The following UROS variants were observed in gnomAD, a reference collection of about 807,000 sequenced individuals.
UROS encodes uroporphyrinogen III synthase, also known as uroporphyrinogen-III synthase.
Under a neutral mutation model 33.0 loss-of-function variants are expected in UROS, and 18 were observed. The observed-to-expected ratio is 0.55, with a 90% CI of 0.38 to 0.81. The LOEUF (loss-of-function observed/expected upper bound fraction) is 0.81. UROS is among the 30% of genes least tolerant of loss of function. The probability of loss-of-function intolerance (pLI) is 0.00; values close to 1 mark genes in which losing one functional copy is unlikely to be tolerated. For synonymous variants in UROS, 114 were observed against 121.1 expected (o/e 0.94, Z 0.38); for missense variants, 293 against 314.9 (o/e 0.93, Z 0.53).
At chr10:125,814,411 T>C (rs1427794795) in intron 4 of UROS, among the ~76,000 whole-genome samples, 2 of 152,204 alleles carry the variant, frequency 1.3e-5, no homozygotes, top group Non-Finnish European at 2.9e-5. Context: ...GTTTTCTCAA[T>C]GGTAACATAA....
chr10:125,818,959 C>A (rs1280008605), intron 1 of UROS, among the ~76,000 whole-genome samples: 3 of 151,526 alleles, frequency 2.0e-5, no homozygotes, highest in African/African-American at 7.3e-5. Flanking sequence ...CCCAAGCATA[C>A]TCTACTTTCT....
chr10:125,786,234 G>C (rs942880832), downstream of UROS, among the ~76,000 whole-genome samples: 2 of 151,346 alleles, frequency 1.3e-5, no homozygotes, highest in Admixed American at 1.3e-4. Flanking sequence ...TTTGGGAACA[G>C]ATTTCCAAGG....
intron 8 of UROS, 114 bp from the exon 9 acceptor site, chr10:125,795,092 G>T: frequency 1.0e-6 from 1 of 960,788 alleles, no homozygotes; most frequent in Non-Finnish European, 1.7e-6. Flanking sequence ...GGCGGTTTTA[G>T]CACAGGAGTG....
At chr10:125,808,580 T>C (rs1334716310) in intron 5 of UROS, among the ~76,000 whole-genome samples, 1 of 152,210 alleles carries the variant, frequency 6.6e-6, no homozygotes, top group Non-Finnish European at 1.5e-5. Context: ...GTAATCAATA[T>C]TGACATAAAT....
chr10:125,816,063 A>G, intron 3 of UROS, 114 bp downstream of exon 3: 1 of 1,095,354 alleles, frequency 9.1e-7, no homozygotes, highest in Non-Finnish European at 1.4e-6. Context: ...TTATGCTGCC[A>G]TGTTTTAAAG....
intron 9 of UROS, chr10:125,794,000 A>C (rs1360069370): frequency 1.3e-5 from 2 of 151,568 alleles, no homozygotes; most frequent in East Asian, 1.9e-4. Flanking sequence ...AGGAACACTG[A>C]CCTCTTTTTC....
In UROS at chr10:125,791,162, G is replaced by C. The variant is rs1356992492; in HGVS notation, c.661-2157C>G. Among the ~76,000 whole-genome samples, 5 of 151,668 alleles carry C rather than the reference G, an allele frequency of 3.3e-5. No homozygotes were observed. In the South Asian group the frequency reaches 1.0e-3, roughly 31 times the overall value. ...TCAACAATAAAACGACAAATAACCTGGGTTAAAAGTAGGCAAAGGATTTGA... is the reference window on the plus strand; with the variant it reads ...TCAACAATAAAACGACAAATAACCTCGGTTAAAAGTAGGCAAAGGATTTGA... On this transcript the variant is annotated intron_variant, in intron 9 of 9. Coordinates refer to ENST00000368797, the MANE Select transcript of UROS (RefSeq NM_000375.3).
chr10:125,818,983 G>GTT (rs58990660), intron 1 of UROS, among the ~76,000 whole-genome samples: 4 of 151,540 alleles, frequency 2.6e-5, no homozygotes, highest in Admixed American at 1.3e-4. Flanking sequence ...CTGTTCTAAA[G>GTT]TTTTTTGTTG....
At chr10:125,789,746 C>G (rs1254699861) in intron 9 of UROS, among the ~76,000 whole-genome samples, 1 of 152,232 alleles carries the variant, frequency 6.6e-6, no homozygotes, top group African/African-American at 2.4e-5. Flanking sequence ...CTCGATGGTT[C>G]TGTGCAGAGC....
At position 125,803,129 on chromosome 10, in the gene UROS, C is replaced by T. The variant is rs148213570; in HGVS notation, c.394+4284G>A. The T allele has an allele frequency of 1.8e-5, 27 of 1,524,544 alleles. No homozygotes were observed. In the South Asian group the frequency reaches 2.4e-4, roughly 14 times the overall value. 94.4% of individuals were successfully genotyped at this position (1,524,544 alleles called of 1,614,324 possible). Reference sequence around the variant, plus strand: ...AGCTTTGGAGTCAGCCAGTCCTAGGCTTGAGCCCCAGCCTACCACTATTAG... The same window carrying T: ...AGCTTTGGAGTCAGCCAGTCCTAGGTTTGAGCCCCAGCCTACCACTATTAG... On this transcript the variant is annotated intron_variant, in intron 6 of 9. Transcript: ENST00000368797.
At chr10:125,797,941 G>A in intron 7 of UROS, 124 bp downstream of exon 7, 1 of 1,130,480 alleles carries the variant, frequency 8.8e-7, no homozygotes. Context: ...CTCCTGGCCT[G>A]GCTTATCCAA....
chr10:125,803,831 T>G (rs1256353720), intron 6 of UROS, among the ~76,000 whole-genome samples: 1 of 152,222 alleles, frequency 6.6e-6, no homozygotes, highest in Non-Finnish European at 1.5e-5. Flanking sequence ...CTCTGCTCAG[T>G]GGCTCCCTCT....
intron 6 of UROS, among the ~76,000 whole-genome samples, chr10:125,805,422 G>A (rs1852235726): frequency 6.6e-6 from 1 of 152,230 alleles, no homozygotes; most frequent in Non-Finnish European, 1.5e-5. Flanking sequence ...TGGCCTTGCT[G>A]TGCTGAGTGT....
intron 9 of UROS, chr10:125,794,337 T>A: frequency 1.0e-6 from 1 of 992,186 alleles, no homozygotes. Flanking sequence ...GGGCTCTGGG[T>A]CACATCCTGC....
intron 1 of UROS, among the ~76,000 whole-genome samples, chr10:125,819,316 T>C (rs1853641917): frequency 6.6e-6 from 1 of 152,208 alleles, no homozygotes. Flanking sequence ...ACTCCTGCTC[T>C]GAAGCTTGCC....
Position 125,798,102 on chromosome 10 carries a change from G to A in UROS, c.438C>T (p.Leu146=), listed in dbSNP as rs751977068. Reference sequence around the variant, plus strand: ...GCGCTTTTGGCAGGATTTCTCTTTTGAGGTTTCCACAGGGAAATAGAAGAG... The same window carrying A: ...GCGCTTTTGGCAGGATTTCTCTTTTAAGGTTTCCACAGGGAAATAGAAGAG... ...ALPLLFPCGN[L]KREILPKALK... The change falls in exon 7 of 10, where the codon CTC becomes CTT. Residue 146 remains leucine (L), a synonymous_variant. Coordinates refer to ENST00000368797, the MANE Select transcript of UROS (RefSeq NM_000375.3). 7 of 1,613,946 alleles carry A rather than the reference G, an allele frequency of 4.3e-6. No homozygotes were observed. Among genetic ancestry groups the A allele is most frequent in the Admixed American group, 1.7e-5 (1 of 60,010 alleles).
intron 5 of UROS, among the ~76,000 whole-genome samples, chr10:125,811,784 T>G (rs1852834666): frequency 7.0e-6 from 1 of 143,294 alleles, no homozygotes; most frequent in African/African-American, 2.6e-5. Flanking sequence ...ACTGGAAAAA[T>G]GCACAAAATA....
At chr10:125,800,929 C>A (rs1277712196) in intron 6 of UROS, among the ~76,000 whole-genome samples, 1 of 152,168 alleles carries the variant, frequency 6.6e-6, no homozygotes, top group Non-Finnish European at 1.5e-5. Flanking sequence ...TGTCCACATG[C>A]CTAATTTTTC....
At position 125,803,031 on chromosome 10, in the gene UROS, G is replaced by C. The variant is rs372362012; in HGVS notation, c.394+4382C>G. On this transcript the variant is annotated intron_variant, in intron 6 of 9. Transcript: ENST00000368797. ...ATTCCTTTGACTTCTTCACCTGAGGGAAGAGAAATGAGCATATTTTGGACT... is the reference window on the plus strand; with the variant it reads ...ATTCCTTTGACTTCTTCACCTGAGGCAAGAGAAATGAGCATATTTTGGACT... 1,214 of 1,612,906 alleles carry C rather than the reference G, an allele frequency of 7.5e-4. 1 individual carries two copies. Among genetic ancestry groups the C allele is most frequent in the Non-Finnish European group, 9.7e-4 (1,142 of 1,179,896 alleles).
Sources: allele counts gnomAD v4.1 joint callset (sites outside exome capture counted in the v4.1 genomes callset), GRCh38; gene constraint gnomAD v4.1.1; transcripts MANE v1.5; gene names NCBI Gene and HGNC (gene_info 2026-07-23, HGNC 2026-07-21).